Variants in DOCK8 observed in about 807,000 individuals in gnomAD.
The protein encoded by DOCK8 is dedicator of cytokinesis protein 8.
In DOCK8, 141 loss-of-function variants were observed where a neutral mutation model predicts 245.6. The ratio of observed to expected loss-of-function variants is 0.57; its 90% CI spans 0.50 to 0.66. The LOEUF is 0.66. DOCK8 is among the 30% of genes least tolerant of loss of function. The pLI is 0.00. For missense variants in DOCK8, 2,965 were observed against 2,603.4 expected, an observed-to-expected ratio of 1.14 and a Z score of -3.02; for synonymous variants, 1,168 against 970.2, an observed-to-expected ratio of 1.20 and a Z score of -3.79.
chr9:352,612 G>A (rs1468035053), intron 14 of DOCK8, among the ~76,000 whole-genome samples: 4 of 151,888 alleles, frequency 2.6e-5, no homozygotes, highest in Non-Finnish European at 5.9e-5. Context: ...GCGTGGTGGC[G>A]GGCACCTGTA....
At chr9:438,015 C>T (rs746851670) in intron 39 of DOCK8, among the ~76,000 whole-genome samples, 17 of 152,246 alleles carry the variant, frequency 1.1e-4, no homozygotes, top group Non-Finnish European at 1.5e-4. Flanking sequence ...CTTGGATCTT[C>T]TGTTGTCACA....
intron 7 of DOCK8, among the ~76,000 whole-genome samples, chr9:322,341 AAAACCT>A (rs2050546784): frequency 3.7e-5 from 1 of 27,264 alleles, no homozygotes; most frequent in African/African-American, 2.0e-4. Context: ...GGCTGGGCTC[AAAACCT>A]GACCGAACAC....
Position 327,553 on chromosome 9 carries a change from A to G in DOCK8, c.895-469A>G, listed in dbSNP as rs557918828. 3.9e-5 allele frequency among the ~76,000 whole-genome samples: 6 copies of G among 152,128 alleles called. No homozygotes were observed. In the East Asian group the frequency reaches 1.2e-3, roughly 29 times the overall value. On this transcript the variant is annotated intron_variant, in intron 8 of 47. Coordinates refer to ENST00000432829, the MANE Select transcript of DOCK8 (RefSeq NM_203447.4). ...GCTGGAACCACAGGCACATGCCACC[A>G]TGCTGGCTAGTTTTTGTATTTTTTG...
At chr9:413,606 A>G (rs1402763332) in intron 28 of DOCK8, among the ~76,000 whole-genome samples, 2 of 152,236 alleles carry the variant, frequency 1.3e-5, no homozygotes, top group African/African-American at 2.4e-5. Flanking sequence ...AAAGATCAGA[A>G]TAGACATTTC....
intron 8 of DOCK8, among the ~76,000 whole-genome samples, chr9:325,998 G>A (rs778403729): frequency 6.6e-6 from 1 of 152,130 alleles, no homozygotes; most frequent in Non-Finnish European, 1.5e-5. Context: ...ATAGCGCATG[G>A]GGTTATGTAT....
chr9:375,287 T>C (rs1273447454), intron 18 of DOCK8, among the ~76,000 whole-genome samples: 1 of 152,066 alleles, frequency 6.6e-6, no homozygotes, highest in African/African-American at 2.4e-5. Flanking sequence ...CTGCAGGACA[T>C]CTCTAAAGGA....
chr9:412,229 C>T (rs910443978), intron 28 of DOCK8, among the ~76,000 whole-genome samples: 13 of 152,062 alleles, frequency 8.5e-5, no homozygotes, highest in African/African-American at 2.2e-4. Flanking sequence ...CATGGCAAAA[C>T]GCCATCTCTA....
intron 14 of DOCK8, among the ~76,000 whole-genome samples, chr9:343,110 G>C (rs1379143640): frequency 1.3e-5 from 2 of 152,138 alleles, no homozygotes; most frequent in Non-Finnish European, 2.9e-5. Flanking sequence ...AAGAACTTCA[G>C]AGCTCACCTG....
intron 1 of DOCK8, among the ~76,000 whole-genome samples, chr9:244,785 G>A (rs371464614): frequency 1.3e-5 from 2 of 151,742 alleles, no homozygotes; most frequent in East Asian, 1.9e-4. Flanking sequence ...AACTGCTGGA[G>A]GTGCTTCCCA....
intron 2 of DOCK8, among the ~76,000 whole-genome samples, chr9:272,032 C>T (rs2048178520): frequency 1.3e-5 from 2 of 152,104 alleles, no homozygotes; most frequent in Admixed American, 6.6e-5. Flanking sequence ...AGGGCTAGCC[C>T]AAAAACTTAC....
intron 2 of DOCK8, among the ~76,000 whole-genome samples, chr9:282,457 C>T (rs1429702870): frequency 7.2e-6 from 1 of 138,936 alleles, no homozygotes; most frequent in African/African-American, 2.7e-5. Context: ...GTCTTCCTGT[C>T]ACTCAGGCTG....
At chr9:416,044 CCTTT>C (rs1336263338) in intron 29 of DOCK8, among the ~76,000 whole-genome samples, 9 of 152,038 alleles carry the variant, frequency 5.9e-5, no homozygotes, top group African/African-American at 2.2e-4. Flanking sequence ...GTAATTCTCT[CCTTT>C]CTTGAAAAAA....
At chr9:315,506 T>G (rs1013778160) in intron 6 of DOCK8, among the ~76,000 whole-genome samples, 1 of 152,202 alleles carries the variant, frequency 6.6e-6, no homozygotes, top group African/African-American at 2.4e-5. Flanking sequence ...TGACAAAAAT[T>G]ATTTAGTGGC....
At chr9:345,289 C>T (rs1252505444) in intron 14 of DOCK8, among the ~76,000 whole-genome samples, 2 of 152,152 alleles carry the variant, frequency 1.3e-5, no homozygotes, top group Admixed American at 1.3e-4. Context: ...AGAGGATTCA[C>T]CTCATGAATT....
chr9:436,728 A>G lies in DOCK8; in HGVS notation c.5079+1753A>G, dbSNP rs143798527. Among the ~76,000 whole-genome samples the G allele has an allele frequency of 3.9e-3, 587 of 152,346 alleles. 1 individual carries two copies. The highest frequency in any genetic ancestry group is 0.014 in the Middle Eastern group (4 of 294). ...TTCCGACATGGGGGCATACAGCTCT[A>G]TCTGTTCACATATATTTATCCATTG... On this transcript the variant is annotated intron_variant, in intron 39 of 47. Coordinates refer to ENST00000432829, the MANE Select transcript of DOCK8 (RefSeq NM_203447.4).
intron 5 of DOCK8, among the ~76,000 whole-genome samples, chr9:306,906 G>C (rs4741772): frequency 2.0e-5 from 3 of 152,076 alleles, no homozygotes; most frequent in African/African-American, 7.3e-5. Flanking sequence ...TGGTGGTGTT[G>C]TCTCAAGATC....
chr9:353,832 G>A (rs1586777207), intron 14 of DOCK8, among the ~76,000 whole-genome samples: 1 of 152,138 alleles, frequency 6.6e-6, no homozygotes, highest in South Asian at 2.1e-4. Context: ...TGCTTTGGGG[G>A]AAAAGGAAGG....
intron 25 of DOCK8, 137 bp from the exon 26 acceptor site, chr9:399,009 C>G (rs2054601467): frequency 2.7e-6 from 2 of 746,588 alleles, no homozygotes; most frequent in Admixed American, 2.0e-5. Context: ...GGAGACTCAA[C>G]TACTTCGCCC....
At chr9:335,760 G>A (rs1280972605) in intron 11 of DOCK8, among the ~76,000 whole-genome samples, 2 of 152,140 alleles carry the variant, frequency 1.3e-5, no homozygotes, top group South Asian at 2.1e-4. Context: ...GCAACCAGAA[G>A]ATGCAAAGAT....
Sources: allele counts gnomAD v4.1 joint callset (sites outside exome capture counted in the v4.1 genomes callset), GRCh38; gene constraint gnomAD v4.1.1; transcripts MANE v1.5; gene names NCBI Gene and HGNC (gene_info 2026-07-23, HGNC 2026-07-21).